AREL1: variants seen among roughly 807,000 people sequenced by gnomAD.
AREL1 encodes the protein apoptosis-resistant E3 ubiquitin protein ligase 1.
AREL1 carries 62 observed loss-of-function variants against 99.0 expected under a neutral mutation model. That is an observed-to-expected ratio of 0.63 (90% CI 0.51 to 0.77). The LOEUF is 0.77. Among genes scored for constraint, AREL1 ranks in the 30% least tolerant of loss-of-function variants. The pLI is 0.00. For missense variants in AREL1, 879 were observed against 1,027.6 expected, an observed-to-expected ratio of 0.86 and a Z score of 1.98; for synonymous variants, 380 against 376.5, an observed-to-expected ratio of 1.01 and a Z score of -0.11.
chr14:74,675,119 A>T (rs1172687153), intron 8 of AREL1, among the ~76,000 whole-genome samples: 1 of 152,186 alleles, frequency 6.6e-6, no homozygotes, highest in African/African-American at 2.4e-5. Context: ...AACAATTATC[A>T]ATTCATAGCC....
intron 1 of AREL1, among the ~76,000 whole-genome samples, chr14:74,700,602 C>G (rs919042738): frequency 1.3e-5 from 2 of 152,076 alleles, no homozygotes; most frequent in African/African-American, 4.8e-5. Flanking sequence ...CATGGTGAAA[C>G]CCTGTCTCTA....
chr14:74,682,268 C>T (rs1459487053), intron 5 of AREL1, among the ~76,000 whole-genome samples: 1 of 152,196 alleles, frequency 6.6e-6, no homozygotes, highest in Non-Finnish European at 1.5e-5. Context: ...TAAGGCCCCA[C>T]TCAGTACGGT....
intron 1 of AREL1, among the ~76,000 whole-genome samples, chr14:74,707,271 G>T (rs373426524): frequency 9.2e-5 from 14 of 152,088 alleles, no homozygotes; most frequent in African/African-American, 3.4e-4. Context: ...GGGAGGCTGA[G>T]GCCGGAGAAT....
chr14:74,688,018 A>ATTTT (rs1566693651), intron 2 of AREL1, among the ~76,000 whole-genome samples: 1 of 137,372 alleles, frequency 7.3e-6, no homozygotes, highest in Non-Finnish European at 1.6e-5. Flanking sequence ...CTGAGTACTT[A>ATTTT]CTTTTTTTTT....
intron 5 of AREL1, among the ~76,000 whole-genome samples, chr14:74,677,421 A>C (rs1192260101): frequency 6.6e-6 from 1 of 151,512 alleles, no homozygotes; most frequent in African/African-American, 2.4e-5. Context: ...ACTTTTGCCC[A>C]GGAGGTAAAG....
intron 2 of AREL1, among the ~76,000 whole-genome samples, chr14:74,686,689 G>T (rs1460303961): frequency 6.6e-6 from 1 of 152,118 alleles, no homozygotes; most frequent in African/African-American, 2.4e-5. Context: ...TTTTACATCT[G>T]ATTGTGCTTG....
Position 74,683,507 on chromosome 14 carries a change from G to C in AREL1, c.270C>G (p.Phe90Leu). 1 of 1,614,134 alleles carries C rather than the reference G, an allele frequency of 6.2e-7. No individual in the cohort carries two copies. Among genetic ancestry groups the C allele is most frequent in the Non-Finnish European group, 8.5e-7 (1 of 1,180,026 alleles). The change falls in exon 5 of 20, where the codon TTC becomes TTG. Residue 90 changes from phenylalanine (F) to leucine (L), a missense_variant. Coordinates refer to ENST00000356357, the MANE Select transcript of AREL1 (RefSeq NM_001039479.2). ...TTAGTCCCACAGGCCGATGTGCAGG[G>C]AAAGGCTGCCCGTTCTTATAGAATA... Reference protein sequence around the residue: ...VHLFYKNGQPFPAHRPVGLRV... With the variant: ...VHLFYKNGQPLPAHRPVGLRV...
chr14:74,678,892 T>G (rs889157512), intron 5 of AREL1, among the ~76,000 whole-genome samples: 2 of 152,120 alleles, frequency 1.3e-5, no homozygotes, highest in Non-Finnish European at 2.9e-5. Flanking sequence ...TGCACTGGAT[T>G]TCTTTCTTTC....
chr14:74,702,223 C>T (rs1309529124), intron 1 of AREL1, among the ~76,000 whole-genome samples: 1 of 152,212 alleles, frequency 6.6e-6, no homozygotes, highest in East Asian at 1.9e-4. Flanking sequence ...CCACATTTCC[C>T]CCCAACATTG....
chr14:74,690,033 A>C (rs1037242446), intron 2 of AREL1, among the ~76,000 whole-genome samples: 1 of 151,890 alleles, frequency 6.6e-6, no homozygotes, highest in African/African-American at 2.4e-5. Context: ...AGATCACTTG[A>C]GCTCAGGAGT....
chr14:74,669,561 T>C, intron 15 of AREL1, 88 bp downstream of exon 15: 2 of 1,491,526 alleles, frequency 1.3e-6, no homozygotes, highest in Middle Eastern at 1.8e-4. Context: ...ATGGAACATT[T>C]CCACCACTGC....
intron 1 of AREL1, among the ~76,000 whole-genome samples, chr14:74,708,975 CAT>C (rs1468342956): frequency 6.6e-6 from 1 of 152,126 alleles, no homozygotes; most frequent in Non-Finnish European, 1.5e-5. Context: ...TGTACACACA[CAT>C]ACATACACAC....
Position 74,672,865 on chromosome 14 carries a change from G to A in AREL1, c.1388C>T (p.Thr463Ile). ...CAAGGCATGTCTGCTGACCTTCAGG[G>A]TGACTTTGGAATGTGGTCTTTTCAT... ...VHMKRPHSKV[T>I]LKVSRHALLE... Residue 463 changes from threonine to isoleucine, a missense_variant, in exon 11 of 20, where the codon ACC becomes ATC. Thr to Ile is a moderately conservative substitution (Grantham distance 89). Transcript: ENST00000356357. 1 of 1,614,184 alleles carries A rather than the reference G, an allele frequency of 6.2e-7. No individual in the cohort carries two copies. The highest frequency in any genetic ancestry group is 1.1e-5 in the South Asian group (1 of 91,082).
chr14:74,697,981 GTGAC>G (rs2090008086), intron 1 of AREL1, among the ~76,000 whole-genome samples: 1 of 152,138 alleles, frequency 6.6e-6, no homozygotes, highest in Admixed American at 6.5e-5. Flanking sequence ...TAGAGGATGA[GTGAC>G]TGGGGAGAAA....
intron 1 of AREL1, among the ~76,000 whole-genome samples, chr14:74,705,294 C>T (rs373105626): frequency 2.1e-4 from 32 of 152,358 alleles, no homozygotes; most frequent in African/African-American, 7.7e-4. Context: ...CCACCTCAGC[C>T]TCCCTAAGTG....
At chr14:74,664,749 G>A in intron 18 of AREL1, 87 bp downstream of exon 18, 2 of 1,143,678 alleles carry the variant, frequency 1.7e-6, no homozygotes, top group East Asian at 2.6e-5. Flanking sequence ...ATGAGCCACT[G>A]CGCCCGGCCT....
At chr14:74,705,203 CT>C (rs1412035777) in intron 1 of AREL1, among the ~76,000 whole-genome samples, 1 of 152,156 alleles carries the variant, frequency 6.6e-6, no homozygotes, top group Non-Finnish European at 1.5e-5. Context: ...CCACGCCCAG[CT>C]AATTTTGTAT....
chr14:74,668,988 C>T (rs2089269538), intron 15 of AREL1, among the ~76,000 whole-genome samples: 1 of 152,154 alleles, frequency 6.6e-6, no homozygotes. Flanking sequence ...AGCGATGTTC[C>T]AGCTTCAGCG....
chr14:74,676,060 TG>T, intron 7 of AREL1, 80 bp downstream of exon 7: 1 of 1,556,324 alleles, frequency 6.4e-7, no homozygotes, highest in Non-Finnish European at 8.7e-7. Context: ...ATCAAATGTT[TG>T]TGAGGTCAGA....
Sources: gnomAD v4.1 joint callset for allele counts (sites outside exome capture counted in the v4.1 genomes callset) on GRCh38, gnomAD v4.1.1 for gene constraint, MANE v1.5 for transcripts, NCBI Gene and HGNC (gene_info 2026-07-23, HGNC 2026-07-21) for gene names.